TMEM117: variants seen among roughly 807,000 people sequenced by gnomAD.
TMEM117 encodes transmembrane protein 117.
TMEM117 carries 27 observed loss-of-function variants against 52.4 expected under a neutral mutation model. The ratio of observed to expected loss-of-function variants is 0.51; its 90% CI spans 0.38 to 0.71. The LOEUF (loss-of-function observed/expected upper bound fraction) is 0.71, where lower values mean the gene tolerates loss of function less well. Ranked by LOEUF, TMEM117 falls within the 30% of genes least tolerant of loss-of-function variation. The pLI, the probability that TMEM117 is intolerant of heterozygous loss-of-function variation, is 0.00. For missense variants in TMEM117, 556 were observed against 630.5 expected, an observed-to-expected ratio of 0.88 and a Z score of 1.26; for synonymous variants, 215 against 206.3, an observed-to-expected ratio of 1.04 and a Z score of -0.36.
intron 5 of TMEM117, among the ~76,000 whole-genome samples, chr12:44,277,413 T>G (rs1218024598): frequency 6.6e-6 from 1 of 152,096 alleles, no homozygotes; most frequent in Admixed American, 6.6e-5. Context: ...TTTTGATATC[T>G]TAAAAAAAAA....
At chr12:44,213,748 T>C (rs772840586) in intron 5 of TMEM117, among the ~76,000 whole-genome samples, 4 of 152,214 alleles carry the variant, frequency 2.6e-5, no homozygotes, top group African/African-American at 7.2e-5. Flanking sequence ...CCTGCTGCCA[T>C]GTGAAGAAGG....
chr12:44,174,564 A>G (rs1343177755), intron 4 of TMEM117, among the ~76,000 whole-genome samples: 1 of 152,170 alleles, frequency 6.6e-6, no homozygotes, highest in Non-Finnish European at 1.5e-5. Flanking sequence ...TTCTTAGGCC[A>G]GAACTTTGAG....
At chr12:43,922,374 G>T (rs1001163552) in intron 2 of TMEM117, among the ~76,000 whole-genome samples, 2 of 152,162 alleles carry the variant, frequency 1.3e-5, no homozygotes, top group African/African-American at 4.8e-5. Context: ...CTTAGTGAAA[G>T]AAAGGAGAAT....
chr12:44,050,780 C>T (rs1444913134), intron 3 of TMEM117, among the ~76,000 whole-genome samples: 1 of 152,294 alleles, frequency 6.6e-6, no homozygotes, highest in African/African-American at 2.4e-5. Flanking sequence ...TGTCTGTCAA[C>T]TTTTGTTTCA....
At chr12:44,067,859 G>A (rs944828522) in intron 3 of TMEM117, among the ~76,000 whole-genome samples, 5 of 152,106 alleles carry the variant, frequency 3.3e-5, no homozygotes, top group Non-Finnish European at 7.4e-5. Context: ...TTCTCTTCTT[G>A]AGCTATGAAA....
chr12:44,101,204 T>C (rs1476648349), intron 3 of TMEM117, among the ~76,000 whole-genome samples: 3 of 149,922 alleles, frequency 2.0e-5, no homozygotes, highest in African/African-American at 5.0e-5. Context: ...CTTATGAATA[T>C]GTTGAACATA....
Position 44,389,054 on chromosome 12 carries a change from G to T in TMEM117, c.*382G>T. On this transcript the variant is annotated 3_prime_UTR_variant, in exon 8 of 8. Transcript: ENST00000266534. ...ACAGTTACCTAACCTATTTCACATG[G>T]GCGTTTTGTATACAACTATTTTGAT... 7.1e-6 allele frequency: 1 copy of T among 141,646 alleles called. No homozygotes were observed. The highest frequency in any genetic ancestry group is 1.6e-5 in the Non-Finnish European group (1 of 64,504). 8.8% of individuals were successfully genotyped at this position (141,646 alleles called of 1,614,324 possible). A position where few individuals can be genotyped will look rare whatever the true frequency, so the allele number is the denominator to read the frequency against.
chr12:44,123,099 C>T (rs1948264011), intron 3 of TMEM117, among the ~76,000 whole-genome samples: 1 of 152,112 alleles, frequency 6.6e-6, no homozygotes, highest in South Asian at 2.1e-4. Flanking sequence ...TAGTAATAGC[C>T]ATTCTAACTG....
chr12:43,991,184 G>T (rs1038425578), intron 3 of TMEM117, among the ~76,000 whole-genome samples: 3 of 152,060 alleles, frequency 2.0e-5, no homozygotes, highest in African/African-American at 7.2e-5. Context: ...CAAGCTCAGA[G>T]GTTTCTCTTT....
intron 3 of TMEM117, among the ~76,000 whole-genome samples, chr12:43,983,546 CCGTGTGTG>C (rs1168045535): frequency 2.5e-5 from 2 of 79,376 alleles, no homozygotes; most frequent in South Asian, 1.1e-3. Context: ...TTTGCACCAA[CCGTGTGTG>C]TGTGTGTGTG....
chr12:43,816,212 G>C, the TMEM117 span, among the ~76,000 whole-genome samples: 1 of 152,136 alleles, frequency 6.6e-6, no homozygotes, highest in Admixed American at 6.5e-5. Context: ...CTTGTTGGGG[G>C]TAATTGTGGG....
At chr12:44,326,201 GT>G (rs200312515) in intron 6 of TMEM117, among the ~76,000 whole-genome samples, 5,564 of 151,558 alleles carry the variant, frequency 0.037, 343 homozygotes, top group African/African-American at 0.13. Context: ...TTTGTTTTTT[GT>G]TTTTTATTTA....
At chr12:44,362,280 AC>A (rs1951731404) in intron 6 of TMEM117, among the ~76,000 whole-genome samples, 1 of 152,056 alleles carries the variant, frequency 6.6e-6, no homozygotes, top group South Asian at 2.1e-4. Flanking sequence ...AGCACCTGGT[AC>A]CCTTTCCCTG....
At chr12:44,354,579 C>T (rs1319300918) in intron 6 of TMEM117, among the ~76,000 whole-genome samples, 1 of 151,964 alleles carries the variant, frequency 6.6e-6, no homozygotes, top group Non-Finnish European at 1.5e-5. Context: ...ACATGATTAT[C>T]TCAATAGATG....
At chr12:44,302,518 T>C (rs766877567) in intron 6 of TMEM117, among the ~76,000 whole-genome samples, 7 of 152,266 alleles carry the variant, frequency 4.6e-5, no homozygotes, top group Non-Finnish European at 8.8e-5. Context: ...ATTAAAGTCA[T>C]GTGATCACTT....
chr12:43,861,037 G>A (rs2137396707), intron 2 of TMEM117, among the ~76,000 whole-genome samples: 1 of 152,174 alleles, frequency 6.6e-6, no homozygotes, highest in Admixed American at 6.5e-5. Flanking sequence ...TAGAAGTGAA[G>A]GAAGATGCTT....
chr12:43,916,359 C>T (rs1175233739), intron 2 of TMEM117, among the ~76,000 whole-genome samples: 1 of 152,140 alleles, frequency 6.6e-6, no homozygotes, highest in Non-Finnish European at 1.5e-5. Context: ...CTCTAGTAAT[C>T]TGTCATCTAG....
At chr12:44,265,734 A>G (rs1453833894) in intron 5 of TMEM117, among the ~76,000 whole-genome samples, 1 of 152,154 alleles carries the variant, frequency 6.6e-6, no homozygotes, top group Non-Finnish European at 1.5e-5. Context: ...GAAACGCCCT[A>G]CCTATTATGC....
intron 2 of TMEM117, among the ~76,000 whole-genome samples, chr12:43,907,405 G>A (rs376248610): frequency 2.6e-5 from 4 of 151,196 alleles, no homozygotes; most frequent in Admixed American, 6.6e-5. Flanking sequence ...AAAAAACAGA[G>A]CAGAAAAACT....
Sources: allele counts gnomAD v4.1 joint callset (sites outside exome capture counted in the v4.1 genomes callset), GRCh38; gene constraint gnomAD v4.1.1; transcripts MANE v1.5; gene names NCBI Gene and HGNC (gene_info 2026-07-23, HGNC 2026-07-21).